XRRA1: variants seen among roughly 807,000 people sequenced by gnomAD.
XRRA1 encodes the protein X-ray radiation resistance associated 1, also known as X-ray radiation resistance-associated protein 1.
XRRA1 carries 69 observed loss-of-function variants against 80.2 expected under a neutral mutation model. That is an observed-to-expected ratio of 0.86 (90% CI 0.71 to 1.05). XRRA1 has a LOEUF of 1.05. Ranked by LOEUF, XRRA1 falls within the 50% of genes least tolerant of loss-of-function variation. XRRA1 has a pLI of 0.00. For synonymous variants in XRRA1, 348 were observed against 389.9 expected (o/e 0.89, Z 1.27); for missense variants, 967 against 976.4 (o/e 0.99, Z 0.13).
At chr11:74,917,320 T>C (rs536387882) in intron 8 of XRRA1, among the ~76,000 whole-genome samples, 3 of 152,362 alleles carry the variant, frequency 2.0e-5, no homozygotes, top group African/African-American at 7.2e-5. Context: ...GATGGGTAGC[T>C]GCTACCGGGT....
chr11:74,849,854 C>A (rs2039325689), intron 14 of XRRA1, among the ~76,000 whole-genome samples: 1 of 152,204 alleles, frequency 6.6e-6, no homozygotes, highest in South Asian at 2.1e-4. Context: ...CCATTTTCCT[C>A]CTGTCTGTCC....
At chr11:74,943,524 G>GGTGTGTGTGTGTGTGTGTGT (rs67590742) in intron 2 of XRRA1, among the ~76,000 whole-genome samples, 3,220 of 137,634 alleles carry the variant, frequency 0.023, 92 homozygotes, top group East Asian at 0.056. Flanking sequence ...AGAGTAGGAG[G>GGTGTGTGTGTGTGTGTGTGT]GTGTGTGTGT....
intron 11 of XRRA1, among the ~76,000 whole-genome samples, chr11:74,862,265 C>T (rs2042459909): frequency 1.3e-5 from 2 of 151,826 alleles, no homozygotes; most frequent in Middle Eastern, 3.4e-3. Flanking sequence ...AGTGGAATCA[C>T]TTCGTCGACT....
intron 8 of XRRA1, chr11:74,919,865 A>G: frequency 4.9e-6 from 2 of 409,058 alleles, no homozygotes; most frequent in Non-Finnish European, 9.2e-6. Context: ...AGAGAATATA[A>G]TGAGGATGAA....
chr11:74,919,897 A>C (rs1486303108), intron 8 of XRRA1: 1 of 386,810 alleles, frequency 2.6e-6, no homozygotes. Flanking sequence ...TAAGCTCTGT[A>C]CTTCGGTTAC....
chr11:74,849,344 G>C (rs564432916), intron 14 of XRRA1, among the ~76,000 whole-genome samples: 52 of 152,250 alleles, frequency 3.4e-4, no homozygotes, highest in Admixed American at 2.8e-3. Context: ...CCAATGAAAT[G>C]GTGTGTGCAA....
chr11:74,935,650 CAG>C (rs2139687079), intron 4 of XRRA1, among the ~76,000 whole-genome samples: 1 of 152,148 alleles, frequency 6.6e-6, no homozygotes, highest in South Asian at 2.1e-4. Context: ...GTAGTGCCAA[CAG>C]AGAGAGTAAA....
At chr11:74,897,278 G>T (rs1354314010) in intron 10 of XRRA1, among the ~76,000 whole-genome samples, 2 of 151,780 alleles carry the variant, frequency 1.3e-5, no homozygotes, top group African/African-American at 2.4e-5. Flanking sequence ...TCAAGCAGAA[G>T]AATTAGTGAG....
rs188659360 is a variant in XRRA1, at chr11:74,852,026, G to A, written c.1227C>T (p.Phe409=). 7.5e-5 allele frequency: 121 copies of A among 1,613,928 alleles called. 1 individual carries two copies. In the East Asian group the frequency reaches 2.2e-3, roughly 30 times the overall value. ...PVALFPSLCE[F]VFHNNPLVAH... is the part of the protein sequence containing the mutation. ...CCACCAGAGGGTTGTTATGAAAGAC[G>A]AACTCGCAGAGAGATGGGAAGAGAG... Residue 409 remains phenylalanine (F), a synonymous_variant, in exon 13 of 19, where the codon TTC becomes TTT. Transcript: ENST00000684022.
At chr11:74,897,725 A>G (rs113992436) in intron 10 of XRRA1, among the ~76,000 whole-genome samples, 2 of 141,536 alleles carry the variant, frequency 1.4e-5, no homozygotes, top group Admixed American at 7.4e-5. Context: ...AAAAAAAAGA[A>G]AAAAAAAAAC....
chr11:74,927,721 G>GT (rs1262088252), intron 6 of XRRA1, among the ~76,000 whole-genome samples: 1 of 152,178 alleles, frequency 6.6e-6, no homozygotes, highest in Non-Finnish European at 1.5e-5. Flanking sequence ...GGAATTGCTG[G>GT]TAAGTGAAAG....
rs994686585 is a variant in XRRA1, at chr11:74,842,206, A to T, written c.*994T>A. 2.0e-5 allele frequency: 3 copies of T among 152,246 alleles called. No individual in the cohort carries two copies. Among genetic ancestry groups the T allele is most frequent in the Admixed American group, 1.3e-4 (2 of 15,286 alleles). The allele number at this position is 152,246 out of a possible 1,614,324, so 9.4% of individuals were successfully genotyped here. A position where few individuals can be genotyped will look rare whatever the true frequency, so the allele number is the denominator to read the frequency against. On this transcript the variant is annotated 3_prime_UTR_variant, in exon 19 of 19. Transcript: ENST00000684022. ...CTGCTGGCTGCCTCCTCTCCAACTC[A>T]TCAGAAGAGCATTTTGACAAAGACA...
intron 8 of XRRA1, chr11:74,919,893 C>A: frequency 2.6e-6 from 1 of 390,072 alleles, no homozygotes; most frequent in South Asian, 2.2e-5. Context: ...CAAATAAGCT[C>A]TGTACTTCGG....
intron 10 of XRRA1, among the ~76,000 whole-genome samples, chr11:74,865,312 G>A (rs973524091): frequency 1.9e-4 from 29 of 152,238 alleles, no homozygotes; most frequent in Admixed American, 1.0e-3. Context: ...ATTTGGCCCC[G>A]CCTGCTATAG....
intron 10 of XRRA1, among the ~76,000 whole-genome samples, chr11:74,901,022 T>G (rs1235020787): frequency 2.0e-5 from 3 of 152,152 alleles, no homozygotes; most frequent in Non-Finnish European, 4.4e-5. Flanking sequence ...TATCCCTGTT[T>G]GCAGATGATA....
intron 10 of XRRA1, among the ~76,000 whole-genome samples, chr11:74,893,724 T>C (rs1054383590): frequency 1.3e-5 from 2 of 152,150 alleles, no homozygotes; most frequent in Non-Finnish European, 2.9e-5. Flanking sequence ...GAATTACTAT[T>C]ATGAAAATGT....
rs781563017 is a variant in XRRA1 at position 74,848,311 on chromosome 11, G to C, written c.1532C>G (p.Ser511Ter). The C allele has an allele frequency of 6.2e-7, 1 of 1,613,916 alleles. No homozygotes were observed. The highest frequency in any genetic ancestry group is 1.7e-5 in the Admixed American group (1 of 60,004). ...LPTTKSTSVE[S>*]EMPTENLEGH... ...TTCCAGGTTCTCAGTGGGCATCTCT[G>C]ACTCCACAGAAGTGCTTTTGGTAGT... Residue 511 changes from serine (S) to a stop codon, truncating the protein, a stop_gained, in exon 15 of 19, where the codon TCA (serine) becomes TGA (stop). Coordinates refer to ENST00000684022, the MANE Select transcript of XRRA1 (RefSeq NM_001378157.1). LOFTEE classifies it high-confidence loss of function.
intron 12 of XRRA1, among the ~76,000 whole-genome samples, chr11:74,854,690 G>A (rs2040656963): frequency 6.6e-6 from 1 of 151,878 alleles, no homozygotes; most frequent in Admixed American, 6.6e-5. Context: ...GCCCAAATCT[G>A]GCCCATGATC....
chr11:74,938,476 T>C (rs79955063), intron 3 of XRRA1, among the ~76,000 whole-genome samples: 330 of 152,340 alleles, frequency 2.2e-3, no homozygotes, highest in African/African-American at 7.6e-3. Flanking sequence ...AAAGAGACTA[T>C]GCAAATATCC....
Sources: allele counts gnomAD v4.1 joint callset (sites outside exome capture counted in the v4.1 genomes callset), GRCh38; gene constraint gnomAD v4.1.1; transcripts MANE v1.5; gene names NCBI Gene and HGNC (gene_info 2026-07-23, HGNC 2026-07-21).